The following MED13L variants were observed in gnomAD, a reference collection of about 807,000 sequenced individuals.
MED13L encodes the protein mediator of RNA polymerase II transcription subunit 13-like.
A neutral mutation model predicts 220.9 loss-of-function variants in MED13L; 7 were observed. The observed-to-expected ratio is 0.03, with a 90% CI of 0.02 to 0.06. The LOEUF (loss-of-function observed/expected upper bound fraction) is 0.06, where lower values mean the gene tolerates loss of function less well. MED13L is among the 10% of genes least tolerant of loss of function. The pLI is 1.00. For missense variants in MED13L, 1,965 were observed against 2,760.5 expected, an observed-to-expected ratio of 0.71 and a Z score of 6.46; for synonymous variants, 1,011 against 1,015.2, an observed-to-expected ratio of 1.00 and a Z score of 0.08.
At chr12:116,217,867 GA>G (rs1237948514) in intron 2 of MED13L, among the ~76,000 whole-genome samples, 1 of 152,094 alleles carries the variant, frequency 6.6e-6, no homozygotes, top group Non-Finnish European at 1.5e-5. Context: ...TAAGCATCCT[GA>G]GAATTATACC....
At chr12:115,987,403 G>A (rs1592919368) in intron 17 of MED13L, 115 bp from the exon 18 acceptor site, 2 of 952,146 alleles carry the variant, frequency 2.1e-6, no homozygotes, top group Non-Finnish European at 1.6e-6. Context: ...AGCTGTAGTA[G>A]ATTCTAAAAT....
intron 23 of MED13L, chr12:115,980,491 T>C: frequency 2.0e-6 from 1 of 495,402 alleles, no homozygotes; most frequent in Non-Finnish European, 3.7e-6. Flanking sequence ...TGGATAATTT[T>C]TAAAAGAAAA....
At chr12:115,985,788 A>G (rs1307219582) in intron 19 of MED13L, among the ~76,000 whole-genome samples, 1 of 152,250 alleles carries the variant, frequency 6.6e-6, no homozygotes, top group Non-Finnish European at 1.5e-5. Flanking sequence ...AAAACACAAC[A>G]GGGACATTAT....
At chr12:115,996,895 G>A in intron 15 of MED13L, 115 bp downstream of exon 15, 1 of 1,203,796 alleles carries the variant, frequency 8.3e-7, no homozygotes. Flanking sequence ...TAATTAAAAG[G>A]ATTCTTAGGA....
At chr12:115,969,862 A>G (rs534563424) in intron 27 of MED13L, among the ~76,000 whole-genome samples, 1 of 152,294 alleles carries the variant, frequency 6.6e-6, no homozygotes, top group African/African-American at 2.4e-5. Context: ...ACATTATAAA[A>G]GTAAGGTACA....
rs1184360601 is a variant in MED13L at position 116,008,584 on chromosome 12, G to A, written c.1829C>T (p.Ala610Val). The change falls in exon 10 of 31, where the codon GCA becomes GTA. Residue 610 changes from alanine (A) to valine (V), a missense_variant. Coordinates refer to ENST00000281928, the MANE Select transcript of MED13L (RefSeq NM_015335.5). The stretch of plus-strand genomic sequence containing the variant: ...ATATAAGGCTGTCTCGCTGACCTCT[G>A]CCATGAGAGGCAGTCTTTGGCCTAC... ...VLVGQRLPLM[A>V]EVSETALYCG... 4.3e-6 allele frequency: 7 copies of A among 1,613,910 alleles called. No homozygotes were observed. The highest frequency in any genetic ancestry group is 5.9e-6 in the Non-Finnish European group (7 of 1,179,994).
chr12:116,164,875 T>C (rs371161587), intron 2 of MED13L, among the ~76,000 whole-genome samples: 19 of 152,276 alleles, frequency 1.2e-4, no homozygotes, highest in African/African-American at 4.6e-4. Context: ...TTTCAAGTTA[T>C]GTTTACTTTC....
chr12:116,086,053 C>T (rs567599725), intron 4 of MED13L, among the ~76,000 whole-genome samples: 6 of 152,170 alleles, frequency 3.9e-5, no homozygotes, highest in Admixed American at 2.0e-4. Context: ...AACGCTTGGG[C>T]GATCCCTACA....
At chr12:116,270,897 C>T (rs973749881) in intron 1 of MED13L, among the ~76,000 whole-genome samples, 12 of 151,390 alleles carry the variant, frequency 7.9e-5, no homozygotes, top group African/African-American at 2.9e-4. Context: ...CAAAAATTAG[C>T]TGGGCATAGT....
chr12:116,030,239 C>T (rs1167178715), intron 4 of MED13L, among the ~76,000 whole-genome samples: 1 of 152,068 alleles, frequency 6.6e-6, no homozygotes, highest in Non-Finnish European at 1.5e-5. Flanking sequence ...AGTCAGTCTA[C>T]ATATTCTTTA....
At chr12:116,156,466 G>A (rs1029824018) in intron 2 of MED13L, among the ~76,000 whole-genome samples, 5 of 151,598 alleles carry the variant, frequency 3.3e-5, no homozygotes, top group African/African-American at 9.7e-5. Flanking sequence ...TGATGGGGAG[G>A]CAGGGGTGTT....
chr12:116,057,567 TTTTG>T (rs1483687647), intron 4 of MED13L, among the ~76,000 whole-genome samples: 1 of 151,128 alleles, frequency 6.6e-6, no homozygotes, highest in Non-Finnish European at 1.5e-5. Context: ...AGACGTAATG[TTTTG>T]TTTATGAGAT....
chr12:115,963,563 C>T (rs775056699), intron 29 of MED13L, 44 bp from the exon 30 acceptor site: 4 of 1,438,664 alleles, frequency 2.8e-6, no homozygotes, highest in African/African-American at 1.4e-5. Flanking sequence ...TCTAGACAAT[C>T]ACAGTGCAGA....
At chr12:116,076,034 C>A (rs1188405028) in intron 4 of MED13L, among the ~76,000 whole-genome samples, 3 of 151,638 alleles carry the variant, frequency 2.0e-5, no homozygotes, top group Non-Finnish European at 4.4e-5. Flanking sequence ...CTGCCTCAGC[C>A]TCCCGAGTAG....
chr12:116,238,109 T>G (rs1290748129), intron 1 of MED13L, among the ~76,000 whole-genome samples: 1 of 152,222 alleles, frequency 6.6e-6, no homozygotes, highest in African/African-American at 2.4e-5. Context: ...ATAATTTCTT[T>G]CAAATAATTT....
intron 4 of MED13L, among the ~76,000 whole-genome samples, chr12:116,081,954 ATTT>A (rs1482734970): frequency 6.6e-6 from 1 of 152,148 alleles, no homozygotes. Context: ...CTATGAATAC[ATTT>A]TTTTTTTAAA....
At chr12:115,981,193 A>AC (rs1877304418) in intron 22 of MED13L, among the ~76,000 whole-genome samples, 1 of 152,216 alleles carries the variant, frequency 6.6e-6, no homozygotes, top group African/African-American at 2.4e-5. Context: ...ACTGTCACTT[A>AC]GAAACTACCA....
chr12:116,114,680 T>C (rs1015698888), intron 2 of MED13L, among the ~76,000 whole-genome samples: 3 of 152,204 alleles, frequency 2.0e-5, no homozygotes, highest in Non-Finnish European at 2.9e-5. Context: ...TCTATTTACA[T>C]ATGACACGAC....
Position 115,979,046 on chromosome 12 carries a change from C to T in MED13L, c.5364+1704G>A, listed in dbSNP as rs536176394. ...ACCGTAGATGCTCAACTGTATTTACCAAATGAAAACACAATGTTCTCGCTG... is the reference window on the plus strand; with the variant it reads ...ACCGTAGATGCTCAACTGTATTTACTAAATGAAAACACAATGTTCTCGCTG... On this transcript the variant is annotated intron_variant, in intron 23 of 30. Coordinates refer to ENST00000281928, the MANE Select transcript of MED13L (RefSeq NM_015335.5). 3.3e-5 allele frequency among the ~76,000 whole-genome samples: 5 copies of T among 152,266 alleles called. No individual in the cohort carries two copies. The South Asian group carries it at 1.0e-3, about 32-fold the overall frequency.
Sources: allele counts gnomAD v4.1 joint callset (sites outside exome capture counted in the v4.1 genomes callset), GRCh38; gene constraint gnomAD v4.1.1; transcripts MANE v1.5; gene names NCBI Gene and HGNC (gene_info 2026-07-23, HGNC 2026-07-21).